The following TPCN2 variants were observed in gnomAD, a reference collection of about 807,000 sequenced individuals.
TPCN2 encodes the protein two pore channel protein 2.
TPCN2 carries 92 observed loss-of-function variants against 111.4 expected under a neutral mutation model. The observed-to-expected ratio is 0.83, with a 90% CI of 0.70 to 0.98. The LOEUF (loss-of-function observed/expected upper bound fraction) is 0.98. TPCN2 is among the 50% of genes least tolerant of loss of function. TPCN2 has a pLI of 0.00. For missense variants in TPCN2, 995 were observed against 980.1 expected, an observed-to-expected ratio of 1.02 and a Z score of -0.20; for synonymous variants, 405 against 414.5, an observed-to-expected ratio of 0.98 and a Z score of 0.28.
chr11:69,085,118 T>C, intron 19 of TPCN2, 92 bp from the exon 20 acceptor site: 1 of 1,219,088 alleles, frequency 8.2e-7, no homozygotes, highest in Non-Finnish European at 1.2e-6. Context: ...GGCCTCACAG[T>C]CATCCTCTGG....
At chr11:69,081,664 G>C (rs936777877) in intron 18 of TPCN2, among the ~76,000 whole-genome samples, 165 bp downstream of exon 18, 22 of 152,190 alleles carry the variant, frequency 1.4e-4, no homozygotes, top group Non-Finnish European at 1.5e-5. Flanking sequence ...TGATGCTGGG[G>C]AAGGGTCATT....
chr11:69,051,005 A>G (rs992199126), intron 1 of TPCN2, among the ~76,000 whole-genome samples: 5 of 152,244 alleles, frequency 3.3e-5, no homozygotes, highest in African/African-American at 1.2e-4. Context: ...GGTCCCCAGC[A>G]AGGACTGGCA....
chr11:69,064,305 C>CTCCCCGCCCT (rs1855164901), intron 7 of TPCN2, among the ~76,000 whole-genome samples: 1 of 147,462 alleles, frequency 6.8e-6, no homozygotes, highest in East Asian at 2.2e-4. Flanking sequence ...TCCCCCGCCC[C>CTCCCCGCCCT]TCCCCGCCCT....
At chr11:69,062,353 G>A (rs1044285926) in intron 5 of TPCN2, among the ~76,000 whole-genome samples, 4 of 152,120 alleles carry the variant, frequency 2.6e-5, no homozygotes, top group African/African-American at 4.8e-5. Context: ...TTGAGCGTGG[G>A]AGCAGTGAGG....
rs565286550 is a variant in TPCN2 at position 69,072,077 on chromosome 11, G to A, written c.1061+54G>A. ...CCTGAGGGTGGGTGCTGTGGCTGCT[G>A]GGCAGGGGCCGGGTGTTCATTAGGG... On this transcript the variant is annotated intron_variant, in intron 11 of 24. Coordinates refer to ENST00000294309, the MANE Select transcript of TPCN2 (RefSeq NM_139075.4). The A allele has an allele frequency of 2.7e-6, 4 of 1,498,462 alleles. No individual in the cohort carries two copies. The East Asian group carries it at 9.1e-5, about 34-fold the overall frequency. 92.8% of individuals were successfully genotyped at this position (1,498,462 alleles called of 1,614,324 possible). A position where few individuals can be genotyped will look rare whatever the true frequency, so the allele number is the denominator to read the frequency against.
chr11:69,087,871 A>G lies in TPCN2; in HGVS notation c.2181-4A>G, dbSNP rs979505501. ...CCTGTGTGCATCTTTCCTCAATTCC[A>G]CAGGGATATTCTGGAGGAGCCCGGG... On this transcript the variant is annotated splice_polypyrimidine_tract_variant and splice_region_variant and intron_variant, in intron 24 of 24. Transcript: ENST00000294309. The G allele has an allele frequency of 1.3e-5, 21 of 1,611,844 alleles. No individual in the cohort carries two copies. The highest frequency in any genetic ancestry group is 1.7e-5 in the Non-Finnish European group (20 of 1,179,492).
At chr11:69,066,268 C>T (rs1222531986) in intron 7 of TPCN2, among the ~76,000 whole-genome samples, 1 of 152,116 alleles carries the variant, frequency 6.6e-6, no homozygotes, top group Non-Finnish European at 1.5e-5. Flanking sequence ...TGCTGGAGGC[C>T]AGCCTGCCCT....
In TPCN2 at chr11:69,062,965, C is replaced by A. The variant is rs540210379; in HGVS notation, c.628C>A (p.Arg210Ser). 1 of 1,613,804 alleles carries A rather than the reference C, an allele frequency of 6.2e-7. No homozygotes were observed. The highest frequency in any genetic ancestry group is 8.5e-7 in the Non-Finnish European group (1 of 1,179,872). The change falls in exon 6 of 25, where the codon CGC becomes AGC. Residue 210 changes from arginine (R) to serine (S), a missense_variant. By Grantham distance (110) the Arg-to-Ser change is moderately radical. Coordinates refer to ENST00000294309, the MANE Select transcript of TPCN2 (RefSeq NM_139075.4). ...GATGAAGAAGACCTTGAAATGCATC[C>A]GCTGGTCGCTGCCGGAAATGGCCAG... The part of the protein sequence containing the change: ...SMMKKTLKCI[R>S]WSLPEMASVG...
intron 13 of TPCN2, among the ~76,000 whole-genome samples, chr11:69,077,211 AC>A (rs1433119361): frequency 3.8e-4 from 20 of 53,098 alleles, no homozygotes; most frequent in South Asian, 2.4e-3. Flanking sequence ...ATGTCCCTCC[AC>A]CTGCCCTCCT....
intron 7 of TPCN2, 33 bp downstream of exon 7, chr11:69,064,000 G>A (rs1375234342): frequency 6.2e-7 from 1 of 1,603,688 alleles, no homozygotes; most frequent in Admixed American, 1.7e-5. Context: ...CTGGGAATGG[G>A]GCTGCCCTGT....
chr11:69,057,441 C>A, intron 4 of TPCN2, 137 bp from the exon 5 acceptor site: 1 of 794,082 alleles, frequency 1.3e-6, no homozygotes, highest in Non-Finnish European at 2.1e-6. Flanking sequence ...TGCTGCTCTG[C>A]GTCCCGTGGG....
In TPCN2 at chr11:69,086,554, C is replaced by T; in HGVS notation, c.2035C>T (p.Leu679=). The T allele has an allele frequency of 1.2e-6, 2 of 1,614,120 alleles. No homozygotes were observed. The highest frequency in any genetic ancestry group is 1.7e-6 in the Non-Finnish European group (2 of 1,180,012). The change falls in exon 23 of 25, where the codon CTG becomes TTG. Residue 679 remains leucine (L), a synonymous_variant. Coordinates refer to ENST00000294309, the MANE Select transcript of TPCN2 (RefSeq NM_139075.4). The part of the protein sequence containing the change: ...WSKIYFVLWW[L]VSSVIWVNLF... The stretch of plus-strand genomic sequence containing the variant: ...CAAGATCTATTTTGTATTGTGGTGG[C>T]TGGTGTCGTCTGTCATCTGGGTCAA...
rs1271930635 is a variant in TPCN2 at position 69,087,142 on chromosome 11, C to T, written c.2116C>T (p.His706Tyr). 1 of 1,613,914 alleles carries T rather than the reference C, an allele frequency of 6.2e-7. No homozygotes were observed. ...CCTTCACAAGTGGGACCCCCGCAGC[C>T]ACCTGCAGCCCCTTGCTGGGACCCC... ...NFLHKWDPRS[H>Y]LQPLAGTPEA... The change falls in exon 24 of 25, where the codon CAC (histidine) becomes TAC (tyrosine). Residue 706 changes from histidine to tyrosine, a missense_variant. By Grantham distance (83) the His-to-Tyr change is moderately conservative (BLOSUM62 2). Transcript: ENST00000294309.
At chr11:69,067,981 G>A (rs1423368507) in intron 8 of TPCN2, among the ~76,000 whole-genome samples, 1 of 152,108 alleles carries the variant, frequency 6.6e-6, no homozygotes, top group African/African-American at 2.4e-5. Context: ...GGGTCTCCTG[G>A]TGCCGTCCTG....
chr11:69,078,987 C>T lies in TPCN2; in HGVS notation c.1506C>T (p.Asn502=), dbSNP rs776971780. The T allele has an allele frequency of 1.1e-5, 17 of 1,613,426 alleles. No homozygotes were observed. Among genetic ancestry groups the T allele is most frequent in the South Asian group, 3.3e-5 (3 of 91,014 alleles). The change falls in exon 16 of 25, where the codon AAC becomes AAT. Residue 502 remains asparagine (N), a synonymous_variant. Transcript: ENST00000294309. The stretch of plus-strand genomic sequence containing the variant: ...GAGGGTACCTGTCCTACCCCAGCAA[C>T]GTGTTTGACGGGCTCCTCACCGTTG... ...GLRGYLSYPS[N]VFDGLLTVVL...
At chr11:69,064,607 G>A (rs1855181747) in intron 7 of TPCN2, among the ~76,000 whole-genome samples, 1 of 152,202 alleles carries the variant, frequency 6.6e-6, no homozygotes, top group African/African-American at 2.4e-5. Context: ...CCTGGCCGAG[G>A]GCACCATCCT....
intron 8 of TPCN2, among the ~76,000 whole-genome samples, chr11:69,069,273 C>T (rs1291934097): frequency 3.0e-4 from 21 of 69,066 alleles, no homozygotes; most frequent in Non-Finnish European, 5.7e-4. Context: ...AGGAAGTGAC[C>T]GCACTGGGAG....
intron 20 of TPCN2, 91 bp from the exon 21 acceptor site, chr11:69,085,580 C>G: frequency 1.1e-6 from 1 of 911,622 alleles, no homozygotes; most frequent in South Asian, 1.4e-5. Flanking sequence ...TCAGGCCAGG[C>G]TGAGCACGCC....
Position 69,078,532 on chromosome 11 carries a change from C to A in TPCN2, c.1281C>A (p.Phe427Leu), listed in dbSNP as rs147198045. 106 of 1,614,044 alleles carry A rather than the reference C, an allele frequency of 6.6e-5. No homozygotes were observed. The highest frequency in any genetic ancestry group is 4.5e-4 in the Admixed American group (27 of 60,012). Residue 427 changes from phenylalanine to leucine, a missense_variant, in exon 14 of 25, where the codon TTC becomes TTA. Phe to Leu is a conservative substitution (Grantham distance 22). Transcript: ENST00000294309. ...CTCCGTTTCTGCAGAGCGCCCAGTTCCTCTTCGGCCACTACTACTTTGACT... is the reference window on the plus strand; with the variant it reads ...CTCCGTTTCTGCAGAGCGCCCAGTTACTCTTCGGCCACTACTACTTTGACT... The part of the protein sequence containing the change: ...YQSPFLQSAQ[F>L]LFGHYYFDYL...
Sources: gnomAD v4.1 joint callset for allele counts (sites outside exome capture counted in the v4.1 genomes callset) on GRCh38, gnomAD v4.1.1 for gene constraint, MANE v1.5 for transcripts, NCBI Gene and HGNC (gene_info 2026-07-23, HGNC 2026-07-21) for gene names.